Variants in FNIP2 observed in about 807,000 individuals in gnomAD.
The protein encoded by FNIP2 is folliculin interacting protein 2.
A neutral mutation model predicts 108.7 loss-of-function variants in FNIP2; 32 were observed. That is an observed-to-expected ratio of 0.29 (90% confidence interval 0.22 to 0.40). The LOEUF is 0.40. FNIP2 is among the 10% of genes least tolerant of loss of function. The probability of loss-of-function intolerance (pLI) is 1.00; values close to 1 mark genes in which losing one functional copy is unlikely to be tolerated. For missense variants in FNIP2, 1,202 were observed against 1,381.6 expected, an observed-to-expected ratio of 0.87 and a Z score of 2.06; for synonymous variants, 480 against 496.7, an observed-to-expected ratio of 0.97 and a Z score of 0.45.
chr4:158,781,257 G>A (rs1776037140), intron 1 of FNIP2, among the ~76,000 whole-genome samples: 1 of 152,148 alleles, frequency 6.6e-6, no homozygotes, highest in South Asian at 2.1e-4. Flanking sequence ...GGAGATAAGA[G>A]CTAATAGGTA....
chr4:158,872,704 G>A, intron 14 of FNIP2: 1 of 975,826 alleles, frequency 1.0e-6, no homozygotes, highest in Non-Finnish European at 1.2e-6. Context: ...GTAGTGTTCT[G>A]TTTAAACTGG....
At chr4:158,866,583 C>T (rs989096567) in intron 12 of FNIP2, among the ~76,000 whole-genome samples, 1 of 147,818 alleles carries the variant, frequency 6.8e-6, no homozygotes, top group East Asian at 2.1e-4. Context: ...TGAGACACAT[C>T]TTTTTTTATG....
Position 158,870,369 on chromosome 4 carries a change from G to A in FNIP2, c.2849G>A (p.Gly950Asp). 2 of 1,614,042 alleles carry A rather than the reference G, an allele frequency of 1.2e-6. No individual in the cohort carries two copies. Among genetic ancestry groups the A allele is most frequent in the Non-Finnish European group, 1.7e-6 (2 of 1,179,884 alleles). ...VRNFGRSLLA[G>D]YCPTYMPDLV... The stretch of plus-strand genomic sequence containing the variant: ...AACTTTGGCCGCTCACTTCTGGCGG[G>A]CTACTGCCCCACATACATGCCTGAT... The change falls in exon 14 of 17, where the codon GGC (glycine) becomes GAC (aspartate). Residue 950 changes from glycine to aspartate, a missense_variant. Gly to Asp is a moderately conservative substitution (Grantham distance 94). This residue lies in a region of FNIP2 where 878 missense variants were observed against 990.3 expected (regional missense o/e 0.89). Transcript: ENST00000264433.
chr4:158,842,362 A>T (rs972814174), intron 7 of FNIP2, among the ~76,000 whole-genome samples: 13 of 152,246 alleles, frequency 8.5e-5, no homozygotes, highest in African/African-American at 3.1e-4. Context: ...AAATGGAGCG[A>T]TACATCAAAT....
rs532640688 is a variant in FNIP2, at chr4:158,845,614, C to T, written c.728-5707C>T. Among the ~76,000 whole-genome samples, 16 of 152,180 alleles carry T rather than the reference C, an allele frequency of 1.1e-4. 1 individual carries two copies. Among genetic ancestry groups the T allele is most frequent in the African/African-American group, 3.9e-4 (16 of 41,450 alleles). On this transcript the variant is annotated intron_variant, in intron 7 of 16. Transcript: ENST00000264433. ...GGTGGCTCAGATGTATACTAGCACT[C>T]GAGCATTGCATGCATTGCATCAGAA...
chr4:158,822,515 G>A (rs910778802), intron 1 of FNIP2, among the ~76,000 whole-genome samples: 2 of 151,962 alleles, frequency 1.3e-5, no homozygotes, highest in Non-Finnish European at 2.9e-5. Context: ...TTTAACAGAC[G>A]GGATCTCACT....
At chr4:158,854,862 TG>T (rs1304532167) in intron 8 of FNIP2, among the ~76,000 whole-genome samples, 1 of 152,152 alleles carries the variant, frequency 6.6e-6, no homozygotes, top group African/African-American at 2.4e-5. Context: ...CCCTCCGAAA[TG>T]GGAGGGTCTT....
intron 7 of FNIP2, 111 bp from the exon 8 acceptor site, chr4:158,851,210 C>T: frequency 7.9e-7 from 1 of 1,262,514 alleles, no homozygotes; most frequent in African/African-American, 1.5e-5. Flanking sequence ...ATATTAAATA[C>T]ATAATAAATG....
intron 14 of FNIP2, among the ~76,000 whole-genome samples, chr4:158,880,788 G>T (rs946118402): frequency 6.6e-6 from 1 of 152,158 alleles, no homozygotes; most frequent in African/African-American, 2.4e-5. Context: ...TCCTAGTGGG[G>T]TGTGTTGGCC....
chr4:158,833,870 G>T (rs1378623642), intron 6 of FNIP2: 2 of 1,451,790 alleles, frequency 1.4e-6, no homozygotes, highest in Non-Finnish European at 1.8e-6. Flanking sequence ...CGGCTCACCC[G>T]GAGTGCTTCT....
intron 7 of FNIP2, among the ~76,000 whole-genome samples, chr4:158,839,377 T>TTATTTTC (rs1560791889): frequency 4.6e-5 from 7 of 152,186 alleles, no homozygotes; most frequent in Non-Finnish European, 8.8e-5. Context: ...TATTTATTTT[T>TTATTTTC]TGGAGACGGT....
Position 158,868,666 on chromosome 4 carries a change from T to C in FNIP2, c.2030T>C (p.Met677Thr), listed in dbSNP as rs62001912. 6,243 of 1,613,988 alleles carry C rather than the reference T, an allele frequency of 3.9e-3. 215 individuals are homozygous for C. In the African/African-American group the frequency reaches 0.073, roughly 19 times the overall value. Residue 677 changes from methionine (M) to threonine (T), a missense_variant, in exon 13 of 17, where the codon ATG becomes ACG. Physicochemically the swap from Met to Thr is moderately conservative, Grantham distance 81. Around this residue, in one of 5 missense-constraint regions of FNIP2, gnomAD observed 878 missense variants for 990.3 expected, o/e 0.89. Coordinates refer to ENST00000264433, the MANE Select transcript of FNIP2 (RefSeq NM_020840.3). The surrounding 1 kb of genome is among the most constrained non-coding windows in gnomAD (Gnocchi z 4.6). ...GAAGTTTTGGGGGCAGGAATGAAGA[T>C]GGACCAGCAAGCTGTCTGTGAGCTG... ...SCEVLGAGMK[M>T]DQQAVCELLK...
chr4:158,787,857 C>T (rs1013141726), intron 1 of FNIP2, among the ~76,000 whole-genome samples: 4 of 152,166 alleles, frequency 2.6e-5, no homozygotes, highest in African/African-American at 7.2e-5. Flanking sequence ...CCCTCATACT[C>T]TTAAGTCCAG....
Position 158,905,836 on chromosome 4 carries a change from T to C in FNIP2, c.*1292T>C, listed in dbSNP as rs1196721748. The C allele has an allele frequency of 1.3e-5, 2 of 152,212 alleles. No homozygotes were observed. Among genetic ancestry groups the C allele is most frequent in the Non-Finnish European group, 2.9e-5 (2 of 68,044 alleles). 9.4% of individuals were successfully genotyped at this position (152,212 alleles called of 1,614,324 possible). On this transcript the variant is annotated 3_prime_UTR_variant, in exon 17 of 17. Transcript: ENST00000264433. ...GGTCATTAAAGGACAGGAGCTAAGCTAGCAAAGCAAAACATCTTTAGCACT... is the reference window on the plus strand; with the variant it reads ...GGTCATTAAAGGACAGGAGCTAAGCCAGCAAAGCAAAACATCTTTAGCACT...
rs951513259 is a variant in FNIP2 at position 158,904,903 on chromosome 4, A to G, written c.*359A>G. On this transcript the variant is annotated 3_prime_UTR_variant, in exon 17 of 17. Transcript: ENST00000264433. ...GACAAGTGACTTGAGCGGGGTGGTC[A>G]GCAGTGTACATAATATTCCAGTAGG... The G allele has an allele frequency of 2.3e-4, 47 of 203,770 alleles. 1 individual carries two copies. The highest frequency in any genetic ancestry group is 2.2e-3 in the Middle Eastern group (1 of 464). 12.6% of individuals were successfully genotyped at this position (203,770 alleles called of 1,614,324 possible). A position where few individuals can be genotyped will look rare whatever the true frequency, so the allele number is the denominator to read the frequency against.
intron 16 of FNIP2, 109 bp from the exon 17 acceptor site, chr4:158,904,357 C>T (rs1465835574): frequency 1.1e-6 from 1 of 937,376 alleles, no homozygotes; most frequent in Non-Finnish European, 1.6e-6. Flanking sequence ...AAATGATAAT[C>T]TATCAAACTT....
intron 1 of FNIP2, among the ~76,000 whole-genome samples, chr4:158,773,558 A>G (rs1353062030): frequency 1.3e-5 from 2 of 152,194 alleles, no homozygotes. Flanking sequence ...AAAGAATAAC[A>G]TGCAATACAA....
intron 10 of FNIP2, 88 bp from the exon 11 acceptor site, chr4:158,861,254 G>T: frequency 7.0e-7 from 1 of 1,420,448 alleles, no homozygotes; most frequent in Non-Finnish European, 9.4e-7. Flanking sequence ...ATAGATTCAA[G>T]TTGTTTTCTC....
At chr4:158,864,946 T>C (rs1385456380) in intron 12 of FNIP2, among the ~76,000 whole-genome samples, 1 of 152,092 alleles carries the variant, frequency 6.6e-6, no homozygotes, top group Admixed American at 6.6e-5. Context: ...TCTGTTCCTC[T>C]GCTCTCTCCG....
Sources: allele counts gnomAD v4.1 joint callset (sites outside exome capture counted in the v4.1 genomes callset), GRCh38; gene constraint gnomAD v4.1.1; regional missense constraint gnomAD v4.1.1; non-coding constraint Gnocchi (gnomAD v3.1); transcripts MANE v1.5; gene names NCBI Gene and HGNC (gene_info 2026-07-23, HGNC 2026-07-21).